Variants in ANGEL2 observed in about 807,000 individuals in gnomAD.
ANGEL2 encodes angel homolog 2, also known as RNA 2',3'-cyclic phosphatase ANGEL2.
ANGEL2 carries 41 observed loss-of-function variants against 66.0 expected under a neutral mutation model. That is an observed-to-expected ratio of 0.62 (90% CI 0.48 to 0.81). The LOEUF (loss-of-function observed/expected upper bound fraction) is 0.81. ANGEL2 is among the 30% of genes least tolerant of loss of function. The pLI, the probability that ANGEL2 is intolerant of heterozygous loss-of-function variation, is 0.00. For missense variants in ANGEL2, 561 were observed against 641.6 expected (o/e 0.87, Z 1.36); for synonymous variants, 208 against 226.5 (o/e 0.92, Z 0.73).
At chr1:213,005,792 C>A (rs1183181729) in intron 4 of ANGEL2, among the ~76,000 whole-genome samples, 3 of 152,064 alleles carry the variant, frequency 2.0e-5, no homozygotes, top group African/African-American at 7.2e-5. Context: ...AACTCCTTCC[C>A]CCTCACTTCA....
chr1:213,008,374 C>CTT lies in ANGEL2; in HGVS notation c.476_477dup (p.Asp160LysfsTer11). 6.2e-7 allele frequency: 1 copy of CTT among 1,614,158 alleles called. No individual in the cohort carries two copies. On this transcript the variant is annotated frameshift_variant, in exon 3 of 9. Coordinates refer to ENST00000366962, the MANE Select transcript of ANGEL2 (RefSeq NM_144567.5). LOFTEE classifies it high-confidence loss of function. Reference sequence around the variant, plus strand: ...GAAAAGTCAAACTTGTTCTCACTGTCTTCACATTTGGGATCAACATTTTTG... The same window carrying CTT: ...GAAAAGTCAAACTTGTTCTCACTGTCTTTTCACATTTGGGATCAACATTTTTG...
chr1:213,004,429 T>A (rs1055892674), intron 5 of ANGEL2, among the ~76,000 whole-genome samples: 1 of 152,158 alleles, frequency 6.6e-6, no homozygotes, highest in African/African-American at 2.4e-5. Flanking sequence ...GCATTCAAAA[T>A]TCTATCCTGC....
chr1:213,002,872 C>T (rs368811985), intron 5 of ANGEL2, among the ~76,000 whole-genome samples: 4 of 149,620 alleles, frequency 2.7e-5, no homozygotes, highest in East Asian at 3.9e-4. Context: ...GAACCGAGAT[C>T]GTGTCACTGC....
Position 212,994,982 on chromosome 1 carries a change from T to G in ANGEL2, c.*59A>C. 1.3e-6 allele frequency: 2 copies of G among 1,508,306 alleles called. No homozygotes were observed. Among genetic ancestry groups the G allele is most frequent in the South Asian group, 2.7e-5 (2 of 73,566 alleles). 93.4% of individuals were successfully genotyped at this position (1,508,306 alleles called of 1,614,324 possible). A position where few individuals can be genotyped will look rare whatever the true frequency, so the allele number is the denominator to read the frequency against. ...AACAACATGCATACACTTAAGAACT[T>G]TACATTCTTTGAAAAACAATACAAA... is the stretch of plus-strand genomic sequence containing the variant. On this transcript the variant is annotated 3_prime_UTR_variant, in exon 9 of 9. Coordinates refer to ENST00000366962, the MANE Select transcript of ANGEL2 (RefSeq NM_144567.5).
rs529944838 is a variant in ANGEL2, at chr1:213,005,894, A to G, written c.713-440T>C. On this transcript the variant is annotated intron_variant, in intron 4 of 8. Coordinates refer to ENST00000366962, the MANE Select transcript of ANGEL2 (RefSeq NM_144567.5). ...TTCTGTTGCCTAGAATGTTCTAGGCATCGCTTATTCCTTCACCTCCTTCAA... is the reference window on the plus strand; with the variant it reads ...TTCTGTTGCCTAGAATGTTCTAGGCGTCGCTTATTCCTTCACCTCCTTCAA... 3.9e-5 allele frequency among the ~76,000 whole-genome samples: 6 copies of G among 152,230 alleles called. No homozygotes were observed. In the South Asian group the frequency reaches 8.3e-4, roughly 21 times the overall value.
At position 213,005,289 on chromosome 1, in the gene ANGEL2, T is replaced by A; in HGVS notation, c.878A>T (p.Gln293Leu). 1 of 1,614,258 alleles carries A rather than the reference T, an allele frequency of 6.2e-7. No homozygotes were observed. Residue 293 changes from glutamine to leucine, a missense_variant, in exon 5 of 9, where the codon CAG (glutamine) becomes CTG (leucine). Transcript: ENST00000366962. ...RDNVGLVLLL[Q>L]PKIPYAACPA... ...GCAGGCAGCATATGGAATTTTGGGC[T>A]GTAAGAGTAAAACTAATCCAACATT...
intron 3 of ANGEL2, 43 bp from the exon 4 acceptor site, chr1:213,007,241 A>G: frequency 7.2e-7 from 1 of 1,385,830 alleles, no homozygotes; most frequent in Non-Finnish European, 9.7e-7. Context: ...CAGAGATGCA[A>G]TCATGAATTT....
intron 3 of ANGEL2, among the ~76,000 whole-genome samples, chr1:213,007,670 C>A (rs889090887): frequency 1.3e-5 from 2 of 152,062 alleles, no homozygotes; most frequent in African/African-American, 2.4e-5. Flanking sequence ...ACTTTTTGGA[C>A]CCTCTTTGAA....
intron 5 of ANGEL2, among the ~76,000 whole-genome samples, chr1:213,003,478 G>A (rs1246595962): frequency 6.6e-6 from 1 of 152,182 alleles, no homozygotes; most frequent in Non-Finnish European, 1.5e-5. Flanking sequence ...AGAGAGCGCT[G>A]CAGGGCTATT....
At position 213,000,474 on chromosome 1, in the gene ANGEL2, C is replaced by G. The variant is rs544879249; in HGVS notation, c.1262-91G>C. On this transcript the variant is annotated intron_variant, in intron 6 of 8. Coordinates refer to ENST00000366962, the MANE Select transcript of ANGEL2 (RefSeq NM_144567.5). ...TCTAGAAACAATATTTAAGACTTAT[C>G]TAGGTTAGAAAGATGCCTAGTTACA... 200 of 1,178,262 alleles carry G rather than the reference C, an allele frequency of 1.7e-4. 1 individual carries two copies. Among genetic ancestry groups the G allele is most frequent in the South Asian group, 1.5e-3 (111 of 72,974 alleles). 73.0% of individuals were successfully genotyped at this position (1,178,262 alleles called of 1,614,324 possible).
chr1:213,007,781 T>C (rs2148165279), intron 3 of ANGEL2, among the ~76,000 whole-genome samples: 1 of 152,290 alleles, frequency 6.6e-6, no homozygotes, highest in South Asian at 2.1e-4. Flanking sequence ...ACATATTCCT[T>C]TCTTACCCCA....
chr1:213,010,912 G>T (rs951044909), intron 2 of ANGEL2, among the ~76,000 whole-genome samples: 9 of 152,154 alleles, frequency 5.9e-5, no homozygotes, highest in African/African-American at 2.2e-4. Context: ...AAACAACCAG[G>T]ACCATTAGTT....
intron 1 of ANGEL2, chr1:213,015,374 G>T: frequency 7.1e-7 from 1 of 1,412,064 alleles, no homozygotes; most frequent in Non-Finnish European, 9.2e-7. Context: ...GGCGGCCCAT[G>T]AACTCCGCGC....
chr1:212,999,540 C>T (rs1347079059), intron 7 of ANGEL2, among the ~76,000 whole-genome samples: 1 of 151,874 alleles, frequency 6.6e-6, no homozygotes, highest in Admixed American at 6.6e-5. Context: ...ACAAGGTATA[C>T]AAAATAAAGA....
chr1:213,015,439 C>T (rs2076617897), intron 1 of ANGEL2, 174 bp downstream of exon 1: 2 of 1,427,380 alleles, frequency 1.4e-6, no homozygotes, highest in Non-Finnish European at 1.8e-6. Context: ...GCGGGTTTAC[C>T]TATCCCGCTT....
At chr1:212,999,352 TAA>T in intron 7 of ANGEL2, among the ~76,000 whole-genome samples, 1 of 152,332 alleles carries the variant, frequency 6.6e-6, no homozygotes, top group East Asian at 1.9e-4. Flanking sequence ...CAAAAAGATT[TAA>T]GAGTTACTCA....
rs1173776325 is a variant in ANGEL2, at chr1:212,993,779, TAA to T, written c.*1260_*1261del. On this transcript the variant is annotated 3_prime_UTR_variant, in exon 9 of 9. Coordinates refer to ENST00000366962, the MANE Select transcript of ANGEL2 (RefSeq NM_144567.5). ...AACAAAACCACTAAAACCAACAGTT[TAA>T]ATGACTATTTACAGAGCATTAGGTC... 3 of 152,308 alleles carry T rather than the reference TAA, an allele frequency of 2.0e-5. No homozygotes were observed. The East Asian group carries it at 5.8e-4, about 29-fold the overall frequency. The allele number at this position is 152,308 out of a possible 1,614,324, so 9.4% of individuals were successfully genotyped here.
rs149969975 is a variant in ANGEL2, at chr1:213,014,382, C to T, written c.60-964G>A. On this transcript the variant is annotated intron_variant, in intron 1 of 8. Transcript: ENST00000366962. ...ATTTAACTTTATACGCTGTTATTCT[C>T]GTTTTAACAGCATTTAAATTTTTAT... 2.3e-3 allele frequency among the ~76,000 whole-genome samples: 357 copies of T among 152,304 alleles called. 1 individual carries two copies. Among genetic ancestry groups the T allele is most frequent in the African/African-American group, 7.9e-3 (329 of 41,572 alleles).
intron 7 of ANGEL2, 64 bp from the exon 8 acceptor site, chr1:212,997,382 T>C: frequency 7.0e-7 from 1 of 1,427,642 alleles, no homozygotes; most frequent in Non-Finnish European, 9.6e-7. Flanking sequence ...TCCTCCTATC[T>C]GAATTTCTTT....
Sources: gnomAD v4.1 joint callset for allele counts (sites outside exome capture counted in the v4.1 genomes callset) on GRCh38, gnomAD v4.1.1 for gene constraint, MANE v1.5 for transcripts, NCBI Gene and HGNC (gene_info 2026-07-23, HGNC 2026-07-21) for gene names.